The following PARP15 variants were observed in gnomAD, a reference collection of about 807,000 sequenced individuals.
PARP15 encodes poly(ADP-ribose) polymerase family member 15, also known as protein mono-ADP-ribosyltransferase PARP15.
Under a neutral mutation model 62.1 loss-of-function variants are expected in PARP15, and 50 were observed. The observed-to-expected ratio is 0.81, with a 90% confidence interval of 0.64 to 1.02. The LOEUF is 1.02. PARP15 is among the 50% of genes least tolerant of loss of function. The pLI is 0.00. For missense variants in PARP15, 820 were observed against 826.5 expected (o/e 0.99, Z 0.10); for synonymous variants, 309 against 293.1 (o/e 1.05, Z -0.55).
At position 122,625,848 on chromosome 3, in the gene PARP15, C is replaced by T. The variant is rs1041795718; in HGVS notation, c.1232-979C>T. On this transcript the variant is annotated intron_variant, in intron 8 of 11. Coordinates refer to ENST00000464300, the MANE Select transcript of PARP15 (RefSeq NM_001113523.3). ...ACTTCAAGAGGGATCAAATGACTTA[C>T]CCAAGATCAGACAGCTAGTAAGTAG... 3.3e-5 allele frequency among the ~76,000 whole-genome samples: 5 copies of T among 152,284 alleles called. No individual in the cohort carries two copies. In the East Asian group the frequency reaches 9.6e-4, roughly 29 times the overall value.
chr3:122,599,958 C>T lies in PARP15; in HGVS notation c.187-5978C>T, dbSNP rs148747369. Among the ~76,000 whole-genome samples the T allele has an allele frequency of 2.8e-3, 423 of 152,200 alleles. 3 individuals are homozygous for T. Among genetic ancestry groups the T allele is most frequent in the African/African-American group, 1.0e-2 (414 of 41,524 alleles). On this transcript the variant is annotated intron_variant, in intron 1 of 11. Transcript: ENST00000464300. ...GAGATAATATTTACAAAATATCTGACACATAACAGGTACCCAATAAATAAA... is the reference window on the plus strand; with the variant it reads ...GAGATAATATTTACAAAATATCTGATACATAACAGGTACCCAATAAATAAA...
At chr3:122,614,282 C>T (rs758948182) in intron 4 of PARP15, among the ~76,000 whole-genome samples, 3 of 152,122 alleles carry the variant, frequency 2.0e-5, no homozygotes, top group Non-Finnish European at 4.4e-5. Context: ...AGTCATTACC[C>T]AACTTTAAGG....
intron 1 of PARP15, among the ~76,000 whole-genome samples, chr3:122,586,802 T>A (rs1463759615): frequency 1.3e-5 from 2 of 150,604 alleles, no homozygotes; most frequent in African/African-American, 4.9e-5. Flanking sequence ...CATTGACACA[T>A]CATTATCACC....
chr3:122,635,613 A>G (rs951362510), intron 11 of PARP15, among the ~76,000 whole-genome samples, 198 bp from the exon 12 acceptor site: 38 of 152,126 alleles, frequency 2.5e-4, no homozygotes, highest in African/African-American at 9.2e-4. Flanking sequence ...GGGTCTCATA[A>G]TGCTAGCCAG....
intron 9 of PARP15, among the ~76,000 whole-genome samples, chr3:122,628,218 G>A (rs540136778): frequency 7.9e-5 from 12 of 152,324 alleles, no homozygotes; most frequent in South Asian, 2.1e-4. Context: ...CCAGGGAACA[G>A]AGCTCTTTTA....
At chr3:122,593,930 A>G (rs1212630335) in intron 1 of PARP15, among the ~76,000 whole-genome samples, 1 of 152,212 alleles carries the variant, frequency 6.6e-6, no homozygotes, top group African/African-American at 2.4e-5. Flanking sequence ...ACTAATAGCT[A>G]ACATGTATTA....
chr3:122,629,117 G>C (rs537525023), intron 9 of PARP15, among the ~76,000 whole-genome samples: 3 of 152,272 alleles, frequency 2.0e-5, no homozygotes, highest in Admixed American at 1.3e-4. Flanking sequence ...AGAATAAACA[G>C]TGAGGAGAGG....
At chr3:122,586,725 C>CA (rs1243698313) in intron 1 of PARP15, among the ~76,000 whole-genome samples, 1 of 151,830 alleles carries the variant, frequency 6.6e-6, no homozygotes, top group African/African-American at 2.4e-5. Context: ...ACCCCACCCC[C>CA]ACACAATCCC....
At position 122,638,364 on chromosome 3, in the gene PARP15, G is replaced by A. The variant is rs2107619855; in HGVS notation, c.*2264G>A. The A allele has an allele frequency of 6.6e-6, 1 of 152,170 alleles. No homozygotes were observed. Among genetic ancestry groups the A allele is most frequent in the South Asian group, 2.1e-4 (1 of 4,810 alleles). The allele number at this position is 152,170 out of a possible 1,614,324, so 9.4% of individuals were successfully genotyped here. A position where few individuals can be genotyped will look rare whatever the true frequency, so the allele number is the denominator to read the frequency against. ...GGTATTTCTAGTTCTAGATCCCCGA[G>A]GAATCGCCACACTGACTTCCACAAT... On this transcript the variant is annotated 3_prime_UTR_variant, in exon 12 of 12. Transcript: ENST00000464300.
intron 1 of PARP15, among the ~76,000 whole-genome samples, chr3:122,581,182 T>C (rs962956856): frequency 6.6e-6 from 1 of 152,212 alleles, no homozygotes; most frequent in African/African-American, 2.4e-5. Flanking sequence ...CAGATTACTG[T>C]ATCTCTTCAA....
chr3:122,606,765 T>C (rs1474339562), intron 2 of PARP15, among the ~76,000 whole-genome samples: 2 of 152,152 alleles, frequency 1.3e-5, no homozygotes, highest in African/African-American at 4.8e-5. Flanking sequence ...TCCAAGTGAT[T>C]ATCTTATGCA....
At chr3:122,618,126 ATAT>A (rs753071188) in intron 6 of PARP15, among the ~76,000 whole-genome samples, 7 of 152,252 alleles carry the variant, frequency 4.6e-5, no homozygotes, top group Non-Finnish European at 1.0e-4. Flanking sequence ...AAGTTGAAAA[ATAT>A]TATGGAACTT....
At chr3:122,607,543 C>T (rs1179398556) in intron 2 of PARP15, among the ~76,000 whole-genome samples, 1 of 152,200 alleles carries the variant, frequency 6.6e-6, no homozygotes, top group African/African-American at 2.4e-5. Flanking sequence ...AAAATGATAG[C>T]TATTATCATT....
chr3:122,611,801 G>A (rs146467442), intron 3 of PARP15, among the ~76,000 whole-genome samples: 380 of 151,612 alleles, frequency 2.5e-3, no homozygotes, highest in Non-Finnish European at 3.7e-3. Flanking sequence ...CGCAGCCTCC[G>A]CCTCCCGGGT....
At chr3:122,616,143 G>A (rs745602711) in intron 5 of PARP15, among the ~76,000 whole-genome samples, 1 of 151,916 alleles carries the variant, frequency 6.6e-6, no homozygotes, top group African/African-American at 2.4e-5. Flanking sequence ...TTCATATATA[G>A]TATATTATTT....
At chr3:122,594,777 G>A in intron 1 of PARP15, 1 of 981,150 alleles carries the variant, frequency 1.0e-6, no homozygotes, top group Non-Finnish European at 1.2e-6. Flanking sequence ...GTTTGTGATG[G>A]ACACCATGGA....
At chr3:122,608,519 AT>A (rs1280655407) in intron 2 of PARP15, among the ~76,000 whole-genome samples, 2 of 151,960 alleles carry the variant, frequency 1.3e-5, no homozygotes, top group Non-Finnish European at 2.9e-5. Context: ...CCCGGCCACA[AT>A]CCTGTGCTTT....
chr3:122,583,744 T>C (rs1933169993), intron 1 of PARP15, among the ~76,000 whole-genome samples: 1 of 152,222 alleles, frequency 6.6e-6, no homozygotes, highest in Non-Finnish European at 1.5e-5. Flanking sequence ...CTTTACCCTA[T>C]ACCATAAGAA....
chr3:122,603,676 C>A (rs1428918741), intron 1 of PARP15, among the ~76,000 whole-genome samples: 1 of 152,134 alleles, frequency 6.6e-6, no homozygotes, highest in Non-Finnish European at 1.5e-5. Context: ...TTCTAGTCTT[C>A]ACATCAATGC....
Sources: allele counts gnomAD v4.1 joint callset (sites outside exome capture counted in the v4.1 genomes callset), GRCh38; gene constraint gnomAD v4.1.1; transcripts MANE v1.5; gene names NCBI Gene and HGNC (gene_info 2026-07-23, HGNC 2026-07-21).